Variants in KIF5C observed in about 807,000 individuals in gnomAD.
KIF5C encodes the protein kinesin heavy chain isoform 5C.
KIF5C carries 18 observed loss-of-function variants against 125.2 expected under a neutral mutation model. The observed-to-expected ratio is 0.14, with a 90% CI of 0.10 to 0.21. The LOEUF (loss-of-function observed/expected upper bound fraction) is 0.21. Among genes scored for constraint, KIF5C ranks in the 10% least tolerant of loss-of-function variants. KIF5C has a pLI of 1.00. For missense variants in KIF5C, 780 were observed against 1,183.8 expected (o/e 0.66, Z 5.01); for synonymous variants, 405 against 434.0 (o/e 0.93, Z 0.83).
chr2:148,949,743 G>A, intron 8 of KIF5C, 96 bp from the exon 9 acceptor site: 1 of 1,469,374 alleles, frequency 6.8e-7, no homozygotes, highest in Non-Finnish European at 9.1e-7. Context: ...TTGCTTTCCA[G>A]GAGGCTGTCC....
At chr2:148,973,607 A>C in intron 12 of KIF5C, 96 bp downstream of exon 12, 1 of 1,441,420 alleles carries the variant, frequency 6.9e-7, no homozygotes, top group Non-Finnish European at 9.1e-7. Context: ...CTACAGCCCG[A>C]TCTTTGTTTC....
intron 1 of KIF5C, among the ~76,000 whole-genome samples, chr2:148,914,011 C>T (rs2105071144): frequency 6.6e-6 from 1 of 152,338 alleles, no homozygotes; most frequent in South Asian, 2.1e-4. Flanking sequence ...TGCTATAGGT[C>T]AAGGCAGAAG....
At chr2:148,998,679 T>C in intron 19 of KIF5C, 170 bp downstream of exon 19, 1 of 1,143,330 alleles carries the variant, frequency 8.7e-7, no homozygotes, top group Non-Finnish European at 1.2e-6. Flanking sequence ...TGTTCTCCGA[T>C]CTGGAGCTGA....
intron 21 of KIF5C, among the ~76,000 whole-genome samples, chr2:149,001,768 T>C (rs1681858520): frequency 6.6e-6 from 1 of 152,226 alleles, no homozygotes; most frequent in Non-Finnish European, 1.5e-5. Flanking sequence ...TTTCACATGA[T>C]TCAATGACAG....
At chr2:148,984,108 C>G (rs1681313372) in intron 15 of KIF5C, among the ~76,000 whole-genome samples, 1 of 152,232 alleles carries the variant, frequency 6.6e-6, no homozygotes, top group Non-Finnish European at 1.5e-5. Context: ...CAGTTCTAGT[C>G]TCAGAATTGT....
intron 1 of KIF5C, among the ~76,000 whole-genome samples, chr2:148,905,281 T>C (rs1025587821): frequency 2.0e-5 from 3 of 152,012 alleles, no homozygotes; most frequent in Non-Finnish European, 2.9e-5. Context: ...TTAGGACACA[T>C]TGGTTTAGAG....
chr2:148,978,345 T>TG (rs1681136062), intron 12 of KIF5C, among the ~76,000 whole-genome samples: 1 of 145,378 alleles, frequency 6.9e-6, no homozygotes, highest in African/African-American at 2.6e-5. Context: ...TTTTTTTTTT[T>TG]TTTTTTTTTT....
intron 1 of KIF5C, among the ~76,000 whole-genome samples, chr2:148,903,464 C>T (rs1680981738): frequency 6.6e-6 from 1 of 152,192 alleles, no homozygotes; most frequent in African/African-American, 2.4e-5. Flanking sequence ...CACCCTTTAA[C>T]TGCTCCTTAG....
intron 19 of KIF5C, 181 bp downstream of exon 19, chr2:148,998,690 G>A: frequency 9.9e-7 from 1 of 1,015,064 alleles, no homozygotes; most frequent in East Asian, 2.7e-5. Context: ...CTGGAGCTGA[G>A]CCTCCTGGAG....
intron 25 of KIF5C, among the ~76,000 whole-genome samples, chr2:149,017,091 T>C (rs762740197): frequency 3.0e-4 from 46 of 152,040 alleles, no homozygotes; most frequent in Non-Finnish European, 5.6e-4. Context: ...GGTGAGGAAA[T>C]AGAGCCGGCA....
At chr2:148,920,990 G>A (rs928147448) in intron 1 of KIF5C, among the ~76,000 whole-genome samples, 7 of 152,182 alleles carry the variant, frequency 4.6e-5, no homozygotes, top group African/African-American at 1.2e-4. Flanking sequence ...GTCCGGCTGT[G>A]GAAGAGGGTG....
At chr2:148,950,526 A>G in intron 10 of KIF5C, 64 bp downstream of exon 10, 1 of 1,541,874 alleles carries the variant, frequency 6.5e-7, no homozygotes, top group Non-Finnish European at 8.8e-7. Flanking sequence ...GTGAATGGCA[A>G]GGCTGGGTGC....
At position 148,937,402 on chromosome 2, in the gene KIF5C, A is replaced by G. The variant is rs749852266; in HGVS notation, c.396+14A>G. 1 of 1,568,950 alleles carries G rather than the reference A, an allele frequency of 6.4e-7. No individual in the cohort carries two copies. The highest frequency in any genetic ancestry group is 2.3e-5 in the East Asian group (1 of 42,824). On this transcript the variant is annotated intron_variant, in intron 4 of 25. Transcript: ENST00000435030. Reference sequence around the variant, plus strand: ...TTTCACATAAAGGTACGTATTACTGATTGGTCCCCAGAGAAGACACTGGGC... The same window carrying G: ...TTTCACATAAAGGTACGTATTACTGGTTGGTCCCCAGAGAAGACACTGGGC...
At chr2:148,920,162 T>G (rs146187505) in intron 1 of KIF5C, among the ~76,000 whole-genome samples, 1 of 152,336 alleles carries the variant, frequency 6.6e-6, no homozygotes, top group Non-Finnish European at 1.5e-5. Flanking sequence ...TAAGTGTATT[T>G]TCTCTAAAAC....
At chr2:148,957,751 A>G (rs1315571685) in intron 10 of KIF5C, among the ~76,000 whole-genome samples, 1 of 152,094 alleles carries the variant, frequency 6.6e-6, no homozygotes, top group African/African-American at 2.4e-5. Flanking sequence ...TTTATTGAAT[A>G]TAATATAGTA....
chr2:148,881,396 G>C (rs1681348364), intron 1 of KIF5C, among the ~76,000 whole-genome samples: 1 of 152,046 alleles, frequency 6.6e-6, no homozygotes, highest in Non-Finnish European at 1.5e-5. Flanking sequence ...GCGTGTGCGT[G>C]TGTATATCTT....
At chr2:148,892,531 A>G (rs922614570) in intron 1 of KIF5C, among the ~76,000 whole-genome samples, 1 of 152,224 alleles carries the variant, frequency 6.6e-6, no homozygotes, top group Non-Finnish European at 1.5e-5. Flanking sequence ...CCTTGCATTC[A>G]TCTCAAATTA....
At chr2:148,884,121 T>C (rs2105038303) in intron 1 of KIF5C, 1 of 152,354 alleles carries the variant, frequency 6.6e-6, no homozygotes. Context: ...AACCCCCAGA[T>C]CCGGAACATG....
rs554561932 is a variant in KIF5C, at chr2:148,998,397, C to T, written c.2101-3C>T. On this transcript the variant is annotated splice_polypyrimidine_tract_variant and splice_region_variant and intron_variant, in intron 18 of 25. Transcript: ENST00000435030. ...GACATGTTTCTCTTGGCCTGGGATG[C>T]AGAAGGCGCTGGAGCAGCAGATGGA... 1.9e-5 allele frequency: 30 copies of T among 1,558,582 alleles called. No homozygotes were observed. Among genetic ancestry groups the T allele is most frequent in the Middle Eastern group, 1.7e-4 (1 of 6,000 alleles).
Sources: gnomAD v4.1 joint callset for allele counts (sites outside exome capture counted in the v4.1 genomes callset) on GRCh38, gnomAD v4.1.1 for gene constraint, MANE v1.5 for transcripts, NCBI Gene and HGNC (gene_info 2026-07-23, HGNC 2026-07-21) for gene names.